Variants in SFMBT1 observed in about 807,000 individuals in gnomAD.
The protein encoded by SFMBT1 is Scm like with four mbt domains 1.
A neutral mutation model predicts 108.7 loss-of-function variants in SFMBT1; 32 were observed. The observed-to-expected ratio is 0.29, with a 90% CI of 0.22 to 0.40. The LOEUF is 0.40. Ranked by LOEUF, SFMBT1 falls within the 10% of genes least tolerant of loss-of-function variation. The pLI is 1.00. For synonymous variants in SFMBT1, 348 were observed against 369.5 expected (o/e 0.94, Z 0.67); for missense variants, 816 against 1,059.6 (o/e 0.77, Z 3.19).
intron 1 of SFMBT1, among the ~76,000 whole-genome samples, chr3:53,011,606 G>T (rs76092875): frequency 1.3e-5 from 2 of 152,170 alleles, no homozygotes; most frequent in Non-Finnish European, 2.9e-5. Flanking sequence ...CATCAGAATG[G>T]TGTCAAAGGA....
rs559198475 is a variant in SFMBT1 at position 52,971,915 on chromosome 3, C to T, written c.-130-2657G>A. Among the ~76,000 whole-genome samples, 59 of 152,222 alleles carry T rather than the reference C, an allele frequency of 3.9e-4. No individual in the cohort carries two copies. The South Asian group carries it at 0.011, about 29-fold the overall frequency. ...GCATGCAAACCAACAGAATAAGTGG[C>T]AAATAAAAGACTGAACAGGAAGAGA... On this transcript the variant is annotated intron_variant, in intron 1 of 20. Transcript: ENST00000394752.
chr3:53,021,527 A>G (rs2106943302), intron 1 of SFMBT1, among the ~76,000 whole-genome samples: 1 of 152,368 alleles, frequency 6.6e-6, no homozygotes, highest in African/African-American at 2.4e-5. Context: ...TGGGTCACAG[A>G]CATACTCCTG....
chr3:53,029,882 C>T (rs923898824), intron 1 of SFMBT1, among the ~76,000 whole-genome samples: 1 of 152,040 alleles, frequency 6.6e-6, no homozygotes, highest in African/African-American at 2.4e-5. Context: ...CACCCAGTTC[C>T]TCTACCCTTG....
intron 13 of SFMBT1, among the ~76,000 whole-genome samples, 185 bp from the exon 14 acceptor site, chr3:52,916,399 C>T (rs1319446735): frequency 1.4e-5 from 2 of 138,468 alleles, no homozygotes; most frequent in East Asian, 2.1e-4. Context: ...AGGCTGGATG[C>T]GGTGGCTCAC....
At chr3:53,008,246 T>C (rs577867124) in intron 1 of SFMBT1, among the ~76,000 whole-genome samples, 58 of 152,284 alleles carry the variant, frequency 3.8e-4, no homozygotes, top group African/African-American at 9.6e-4. Context: ...GTCCTTACCA[T>C]TGGAAACATA....
intron 1 of SFMBT1, among the ~76,000 whole-genome samples, chr3:53,028,672 G>A (rs1452405105): frequency 6.6e-6 from 1 of 152,032 alleles, no homozygotes; most frequent in East Asian, 1.9e-4. Flanking sequence ...GGGTGACATA[G>A]CAAGACCCCA....
intron 6 of SFMBT1, 45 bp from the exon 7 acceptor site, chr3:52,931,080 T>C (rs773907582): frequency 1.9e-5 from 29 of 1,550,846 alleles, no homozygotes; most frequent in South Asian, 6.7e-5. Context: ...GAGAAACTTA[T>C]ACTTTTTACC....
chr3:52,965,219 C>T (rs922706398), intron 2 of SFMBT1, among the ~76,000 whole-genome samples: 1 of 151,224 alleles, frequency 6.6e-6, no homozygotes, highest in African/African-American at 2.4e-5. Context: ...AAAAAAAACC[C>T]TCTATGGATA....
intron 1 of SFMBT1, among the ~76,000 whole-genome samples, chr3:53,041,542 AC>A (rs1700052596): frequency 6.6e-6 from 1 of 152,066 alleles, no homozygotes; most frequent in Non-Finnish European, 1.5e-5. Flanking sequence ...TACTAAAAAT[AC>A]CAAAATTAGC....
chr3:52,928,619 C>CATATATATAT (rs1341930056), intron 8 of SFMBT1: 1 of 37,568 alleles, frequency 2.7e-5, no homozygotes, highest in East Asian at 7.0e-4. Flanking sequence ...CATATATATA[C>CATATATATAT]ATATATACAT....
chr3:52,930,924 A>T lies in SFMBT1; in HGVS notation c.795+17T>A, dbSNP rs761237227. 3.7e-6 allele frequency: 6 copies of T among 1,607,366 alleles called. No individual in the cohort carries two copies. The Middle Eastern group carries it at 9.9e-4, about 266-fold the overall frequency. The stretch of plus-strand genomic sequence containing the variant: ...GTAAGGGGAGCAATACCGGTCTATC[A>T]CATGTTTTGTTTTTACCTTAAATAA... On this transcript the variant is annotated intron_variant, in intron 7 of 20. Coordinates refer to ENST00000394752, the MANE Select transcript of SFMBT1 (RefSeq NM_016329.4).
At chr3:52,907,765 G>C (rs1160643760) in intron 17 of SFMBT1, 32 bp from the exon 18 acceptor site, 1 of 1,558,750 alleles carries the variant, frequency 6.4e-7, no homozygotes, top group South Asian at 1.2e-5. Context: ...AAATGAAGTA[G>C]CTTCATTATT....
chr3:53,040,968 A>ATTTTTTTTTTTTTTTTTTTTTTT (rs57640588), intron 1 of SFMBT1, among the ~76,000 whole-genome samples: 22 of 46,384 alleles, frequency 4.7e-4, no homozygotes, highest in Admixed American at 9.2e-4. Context: ...AGACACCTGA[A>ATTTTTTTTTTTTTTTTTTTTTTT]TTTTTTTTTT....
chr3:52,976,470 T>A (rs1002444043), intron 1 of SFMBT1, among the ~76,000 whole-genome samples: 23 of 152,092 alleles, frequency 1.5e-4, no homozygotes, highest in Admixed American at 1.0e-3. Flanking sequence ...TGCTGCCACA[T>A]AAATAAATTC....
intron 2 of SFMBT1, among the ~76,000 whole-genome samples, chr3:52,961,319 T>C (rs995463609): frequency 6.6e-6 from 1 of 152,204 alleles, no homozygotes; most frequent in African/African-American, 2.4e-5. Flanking sequence ...TGAACAGGTA[T>C]ACCTTTCCAT....
chr3:52,959,977 A>C (rs1395992520), intron 2 of SFMBT1, among the ~76,000 whole-genome samples: 1 of 152,002 alleles, frequency 6.6e-6, no homozygotes, highest in Non-Finnish European at 1.5e-5. Flanking sequence ...ACATGACCAC[A>C]AGGAGGTAAA....
At chr3:53,043,703 T>A (rs1700125899) in intron 1 of SFMBT1, among the ~76,000 whole-genome samples, 1 of 152,230 alleles carries the variant, frequency 6.6e-6, no homozygotes, top group African/African-American at 2.4e-5. Context: ...CTGCAAAGTA[T>A]TGCCCCCACT....
At position 52,920,621 on chromosome 3, in the gene SFMBT1, C is replaced by T. The variant is rs749674159; in HGVS notation, c.1288G>A (p.Val430Met). The change falls in exon 12 of 21, where the codon GTG (valine) becomes ATG (methionine). Residue 430 changes from valine (V) to methionine (M), a missense_variant. Coordinates refer to ENST00000394752, the MANE Select transcript of SFMBT1 (RefSeq NM_016329.4). The part of the protein sequence containing the change: ...GSKKPIPECI[V>M]SVESMDIFPL... ...AATATATCCATGGATTCCACACTCA[C>T]AATACATTCAGGTATAGGCTTCTTA... 5 of 1,613,632 alleles carry T rather than the reference C, an allele frequency of 3.1e-6. No individual in the cohort carries two copies. In the Admixed American group the frequency reaches 8.3e-5, roughly 27 times the overall value.
chr3:52,993,732 A>AC (rs1477024304), intron 1 of SFMBT1, among the ~76,000 whole-genome samples: 2 of 150,500 alleles, frequency 1.3e-5, no homozygotes, highest in African/African-American at 4.8e-5. Flanking sequence ...AAGATACAAA[A>AC]GAAAAAAATA....
Sources: allele counts gnomAD v4.1 joint callset (sites outside exome capture counted in the v4.1 genomes callset), GRCh38; gene constraint gnomAD v4.1.1; transcripts MANE v1.5; gene names NCBI Gene and HGNC (gene_info 2026-07-23, HGNC 2026-07-21).